The following PHF20 variants were observed in gnomAD, a reference collection of about 807,000 sequenced individuals.
The protein encoded by PHF20 is glioma-expressed antigen 2.
Under a neutral mutation model 113.5 loss-of-function variants are expected in PHF20, and 23 were observed. The observed-to-expected ratio is 0.20, with a 90% confidence interval of 0.15 to 0.29. PHF20 has a LOEUF of 0.29. PHF20 is among the 10% of genes least tolerant of loss of function. The probability of loss-of-function intolerance (pLI) is 1.00; values close to 1 mark genes in which losing one functional copy is unlikely to be tolerated. For synonymous variants in PHF20, 434 were observed against 457.3 expected, an observed-to-expected ratio of 0.95 and a Z score of 0.65; for missense variants, 943 against 1,219.6, an observed-to-expected ratio of 0.77 and a Z score of 3.38.
intron 2 of PHF20, among the ~76,000 whole-genome samples, chr20:35,828,212 C>T (rs879691629): frequency 5.3e-5 from 8 of 152,100 alleles, no homozygotes; most frequent in East Asian, 1.9e-4. Context: ...TTAGTAGAGA[C>T]GGAGTTTCTC....
chr20:35,781,525 T>C (rs1460620836), intron 1 of PHF20, among the ~76,000 whole-genome samples: 3 of 152,210 alleles, frequency 2.0e-5, no homozygotes, highest in Non-Finnish European at 4.4e-5. Flanking sequence ...TTGTTGTTGT[T>C]GTTGTCGTGG....
intron 9 of PHF20, among the ~76,000 whole-genome samples, chr20:35,876,111 A>G (rs1357031784): frequency 1.3e-5 from 2 of 152,200 alleles, no homozygotes; most frequent in Non-Finnish European, 2.9e-5. Flanking sequence ...TTTTGAAACC[A>G]TTGCAACTGA....
chr20:35,917,184 C>T, intron 12 of PHF20: 2 of 453,338 alleles, frequency 4.4e-6, no homozygotes, highest in Non-Finnish European at 8.7e-6. Context: ...CTGTGTGGTT[C>T]ATGGGGAGTT....
chr20:35,914,393 A>G (rs562631191), intron 12 of PHF20, among the ~76,000 whole-genome samples, 196 bp downstream of exon 12: 1 of 152,372 alleles, frequency 6.6e-6, no homozygotes, highest in East Asian at 1.9e-4. Context: ...GTTCAGTAGC[A>G]TATGTCTAAA....
chr20:35,886,272 G>A (rs1282222887), intron 9 of PHF20, among the ~76,000 whole-genome samples: 1 of 151,492 alleles, frequency 6.6e-6, no homozygotes, highest in Non-Finnish European at 1.5e-5. Context: ...CCAAATAGCT[G>A]GGATTACAGG....
intron 2 of PHF20, among the ~76,000 whole-genome samples, chr20:35,828,455 AG>A (rs950284618): frequency 2.6e-4 from 39 of 152,066 alleles, no homozygotes; most frequent in Non-Finnish European, 1.5e-5. Flanking sequence ...TCTGGTATAT[AG>A]GGGGGAACAA....
intron 12 of PHF20, 23 bp from the exon 13 acceptor site, chr20:35,917,461 T>C (rs1279281425): frequency 6.3e-7 from 1 of 1,599,910 alleles, no homozygotes; most frequent in East Asian, 2.2e-5. Flanking sequence ...AAATAGTAAC[T>C]GTTGTTTTCC....
At chr20:35,926,877 T>A (rs1389728328) in intron 13 of PHF20, among the ~76,000 whole-genome samples, 1 of 152,202 alleles carries the variant, frequency 6.6e-6, no homozygotes, top group Non-Finnish European at 1.5e-5. Context: ...CTTCTAGGGC[T>A]AATTTGTTTG....
Position 35,947,679 on chromosome 20 carries a change from G to A in PHF20, c.*52G>A. On this transcript the variant is annotated 3_prime_UTR_variant, in exon 18 of 18. Transcript: ENST00000374012. ...CACAATCCTGGGGCACCTGCAGGAG[G>A]AGCTTCGCATATTTAAATAAATAAA... 6.4e-7 allele frequency: 1 copy of A among 1,570,448 alleles called. No homozygotes were observed.
intron 4 of PHF20, among the ~76,000 whole-genome samples, chr20:35,850,251 G>A (rs1305453163): frequency 1.4e-5 from 2 of 146,238 alleles, no homozygotes; most frequent in Non-Finnish European, 3.0e-5. Flanking sequence ...CATCTCTGGT[G>A]AGCTGACCTC....
intron 1 of PHF20, chr20:35,782,314 A>T (rs2041317812): frequency 1.5e-5 from 2 of 132,602 alleles, no homozygotes; most frequent in African/African-American, 2.9e-5. Flanking sequence ...AGACATTCTC[A>T]CTCTGTTCTC....
rs368021491 is a variant in PHF20, at chr20:35,782,015, A to G, written c.-33+9936A>G. ...CTCCCTCTTTCATGAACCTCCTCCC[A>G]GCCCCAGCAGCTACCATTCTACTTT... is the stretch of plus-strand genomic sequence containing the variant. On this transcript the variant is annotated intron_variant, in intron 1 of 17. Transcript: ENST00000374012. Among the ~76,000 whole-genome samples the G allele has an allele frequency of 2.7e-4, 41 of 151,628 alleles. 1 individual carries two copies. In the Middle Eastern group the frequency reaches 0.017, roughly 65 times the overall value.
intron 7 of PHF20, 30 bp from the exon 8 acceptor site, chr20:35,870,925 T>A (rs1314755320): frequency 6.5e-7 from 1 of 1,535,344 alleles, no homozygotes; most frequent in Non-Finnish European, 8.8e-7. Context: ...TGTTGGTCTC[T>A]TGACTACAAC....
At chr20:35,827,785 A>G (rs925545775) in intron 2 of PHF20, among the ~76,000 whole-genome samples, 1 of 119,978 alleles carries the variant, frequency 8.3e-6, no homozygotes, top group Non-Finnish European at 1.7e-5. Flanking sequence ...TCCATCTCAG[A>G]AAAAAAAAAA....
At chr20:35,791,749 A>C (rs1203664989) in intron 1 of PHF20, among the ~76,000 whole-genome samples, 7 of 151,842 alleles carry the variant, frequency 4.6e-5, no homozygotes, top group South Asian at 2.1e-4. Context: ...CTGGGCATCC[A>C]CTTGGCAATG....
chr20:35,785,418 C>T (rs1163739970), intron 1 of PHF20, among the ~76,000 whole-genome samples: 1 of 152,040 alleles, frequency 6.6e-6, no homozygotes, highest in Non-Finnish European at 1.5e-5. Flanking sequence ...CTCCTGGGTT[C>T]AAGCGATTCT....
intron 10 of PHF20, among the ~76,000 whole-genome samples, chr20:35,902,967 T>G (rs2055125838): frequency 6.6e-6 from 1 of 151,818 alleles, no homozygotes; most frequent in Non-Finnish European, 1.5e-5. Context: ...AGACAAGACA[T>G]TGCCATTTTG....
intron 9 of PHF20, among the ~76,000 whole-genome samples, chr20:35,874,744 AT>A (rs1294193023): frequency 6.6e-5 from 10 of 151,696 alleles, no homozygotes; most frequent in Admixed American, 2.6e-4. Flanking sequence ...AACTTAAAAA[AT>A]TTTTTTTTGA....
chr20:35,892,142 T>G (rs2054882483), intron 9 of PHF20, among the ~76,000 whole-genome samples: 1 of 151,702 alleles, frequency 6.6e-6, no homozygotes, highest in Admixed American at 6.6e-5. Flanking sequence ...ACTGCAACCT[T>G]TGCCTCCCAG....
Sources: gnomAD v4.1 joint callset for allele counts (sites outside exome capture counted in the v4.1 genomes callset) on GRCh38, gnomAD v4.1.1 for gene constraint, MANE v1.5 for transcripts, NCBI Gene and HGNC (gene_info 2026-07-23, HGNC 2026-07-21) for gene names.